The following ACTR3B variants were observed in gnomAD, a reference collection of about 807,000 sequenced individuals.
ACTR3B encodes the protein actin-related protein 3B.
A neutral mutation model predicts 59.0 loss-of-function variants in ACTR3B; 8 were observed. That is an observed-to-expected ratio of 0.14 (90% confidence interval 0.08 to 0.24). The LOEUF (loss-of-function observed/expected upper bound fraction) is 0.24, where lower values mean the gene tolerates loss of function less well. ACTR3B is among the 10% of genes least tolerant of loss of function. The pLI, the probability that ACTR3B is intolerant of heterozygous loss-of-function variation, is 1.00. For synonymous variants in ACTR3B, 148 were observed against 197.9 expected (o/e 0.75, Z 2.12); for missense variants, 245 against 552.3 (o/e 0.44, Z 5.58).
At chr7:152,772,899 G>T (rs1355910907) in intron 1 of ACTR3B, among the ~76,000 whole-genome samples, 3 of 151,980 alleles carry the variant, frequency 2.0e-5, no homozygotes, top group African/African-American at 7.3e-5. Flanking sequence ...TATCATGGGG[G>T]ATTAGGTTAG....
intron 1 of ACTR3B, among the ~76,000 whole-genome samples, chr7:152,766,781 CTTCT>C (rs1049999557): frequency 6.6e-6 from 1 of 151,318 alleles, no homozygotes; most frequent in Non-Finnish European, 1.5e-5. Flanking sequence ...GGTTTCTTTT[CTTCT>C]TTTTCTTTTC....
chr7:152,822,861 G>A (rs1796282815), intron 7 of ACTR3B, among the ~76,000 whole-genome samples: 1 of 152,212 alleles, frequency 6.6e-6, no homozygotes, highest in Non-Finnish European at 1.5e-5. Context: ...CACCCGGCTT[G>A]TGGCGTGCTG....
chr7:152,842,843 AC>A (rs1409243953), intron 9 of ACTR3B, among the ~76,000 whole-genome samples: 2 of 152,352 alleles, frequency 1.3e-5, no homozygotes, highest in East Asian at 3.9e-4. Flanking sequence ...CAAAGTACTT[AC>A]AGCATCTACC....
rs1481345848 is a variant in ACTR3B, at chr7:152,824,138, G to A, written c.858+623G>A. Among the ~76,000 whole-genome samples the A allele has an allele frequency of 3.3e-5, 5 of 152,226 alleles. No individual in the cohort carries two copies. The highest frequency in any genetic ancestry group is 3.3e-4 in the Admixed American group (5 of 15,286). On this transcript the variant is annotated intron_variant, in intron 8 of 11. Transcript: ENST00000256001. The surrounding 1 kb of genome is among the most constrained non-coding windows in gnomAD (Gnocchi z 4.2). ...TATAATGCATTTTATTTATATTTTG[G>A]TATATATTCCTGGCTAATTCAGTTT...
chr7:152,815,614 C>T (rs920447510), intron 5 of ACTR3B, among the ~76,000 whole-genome samples: 7 of 152,194 alleles, frequency 4.6e-5, no homozygotes, highest in African/African-American at 7.2e-5. Context: ...TTGCAGGGAG[C>T]GTAGCAGCAT....
intron 2 of ACTR3B, among the ~76,000 whole-genome samples, chr7:152,789,074 A>AACAACAACG (rs1352650623): frequency 2.4e-4 from 36 of 151,582 alleles, no homozygotes; most frequent in African/African-American, 8.8e-4. Context: ...AAACAACAAC[A>AACAACAACG]ACAACAACAA....
chr7:152,815,376 A>G (rs576289518), intron 5 of ACTR3B, among the ~76,000 whole-genome samples: 1 of 152,300 alleles, frequency 6.6e-6, no homozygotes, highest in Admixed American at 6.5e-5. Context: ...AGCACTTCCA[A>G]ATTTATTTAA....
At chr7:152,846,106 G>A (rs1477745666) in intron 9 of ACTR3B, among the ~76,000 whole-genome samples, 1 of 152,250 alleles carries the variant, frequency 6.6e-6, no homozygotes, top group Non-Finnish European at 1.5e-5. Context: ...ATCCCAGTGA[G>A]CCCCAGCGCC....
At chr7:152,794,965 CTT>C (rs1274199182) in intron 2 of ACTR3B, among the ~76,000 whole-genome samples, 2 of 151,338 alleles carry the variant, frequency 1.3e-5, no homozygotes, top group African/African-American at 2.4e-5. Context: ...TGCCCTGTGT[CTT>C]TTTCTTTTCA....
chr7:152,847,948 G>A (rs1009287109), intron 9 of ACTR3B, among the ~76,000 whole-genome samples: 1 of 152,210 alleles, frequency 6.6e-6, no homozygotes, highest in Non-Finnish European at 1.5e-5. Context: ...AGTTCAGAGG[G>A]TGAACAGTCT....
At chr7:152,791,015 C>CTT (rs540702221) in intron 2 of ACTR3B, among the ~76,000 whole-genome samples, 6 of 138,506 alleles carry the variant, frequency 4.3e-5, no homozygotes, top group Non-Finnish European at 4.7e-5. Flanking sequence ...AATAATTGTT[C>CTT]TTTTTTTTTT....
At chr7:152,790,082 T>C (rs1328349722) in intron 2 of ACTR3B, among the ~76,000 whole-genome samples, 1 of 150,944 alleles carries the variant, frequency 6.6e-6, no homozygotes, top group African/African-American at 2.5e-5. Context: ...AGCCTTGACT[T>C]TCCAGGTTCA....
At chr7:152,829,233 C>A (rs758636501) in intron 9 of ACTR3B, among the ~76,000 whole-genome samples, 6 of 152,166 alleles carry the variant, frequency 3.9e-5, no homozygotes, top group Non-Finnish European at 4.4e-5. Context: ...ATGTAAGATT[C>A]CTCTCAGCAG....
At chr7:152,790,220 T>G in intron 2 of ACTR3B, among the ~76,000 whole-genome samples, 1 of 152,286 alleles carries the variant, frequency 6.6e-6, no homozygotes, top group Non-Finnish European at 1.5e-5. Context: ...CTCGAACTTC[T>G]GGGCTCATGC....
chr7:152,797,617 C>T (rs556345878), intron 2 of ACTR3B, among the ~76,000 whole-genome samples: 121 of 152,248 alleles, frequency 7.9e-4, no homozygotes, highest in African/African-American at 2.7e-3. Context: ...TGCTAGATCT[C>T]TTGTAATTTA....
chr7:152,836,700 G>A (rs1358967006), intron 9 of ACTR3B, among the ~76,000 whole-genome samples: 1 of 152,196 alleles, frequency 6.6e-6, no homozygotes, highest in African/African-American at 2.4e-5. Flanking sequence ...ATTTTAAAAT[G>A]TTTTGTCTGT....
intron 7 of ACTR3B, among the ~76,000 whole-genome samples, chr7:152,823,061 A>T (rs1024487748): frequency 6.6e-6 from 1 of 152,220 alleles, no homozygotes; most frequent in African/African-American, 2.4e-5. Flanking sequence ...ACCTGTAGAC[A>T]TCATTTCAGA....
chr7:152,781,237 A>G (rs1341337547), intron 1 of ACTR3B, among the ~76,000 whole-genome samples: 1 of 136,632 alleles, frequency 7.3e-6, no homozygotes, highest in Non-Finnish European at 1.5e-5. Flanking sequence ...TTACACATAG[A>G]CCACTGCTCC....
At position 152,829,057 on chromosome 7, in the gene ACTR3B, T is replaced by TATATATATATAC. The variant is rs1390377342; in HGVS notation, c.951+3936_951+3937insTATATATATACA. On this transcript the variant is annotated intron_variant, in intron 9 of 11. Coordinates refer to ENST00000256001, the MANE Select transcript of ACTR3B (RefSeq NM_020445.6). The stretch of plus-strand genomic sequence containing the variant: ...TTGTGTGTGTGTGTATATATATATA[T>TATATATATATAC]ACACACACACACACACATCAAGAGC... Among the ~76,000 whole-genome samples, 7 of 144,776 alleles carry TATATATATATAC rather than the reference T, an allele frequency of 4.8e-5. No individual in the cohort carries two copies. In the East Asian group the frequency reaches 1.4e-3, roughly 29 times the overall value. 95.0% of individuals were successfully genotyped at this position (144,776 alleles called of 152,430 possible).
Sources: gnomAD v4.1 joint callset for allele counts (sites outside exome capture counted in the v4.1 genomes callset) on GRCh38, gnomAD v4.1.1 for gene constraint, Gnocchi (gnomAD v3.1) non-coding constraint, MANE v1.5 for transcripts, NCBI Gene and HGNC (gene_info 2026-07-23, HGNC 2026-07-21) for gene names.